PTCHD4: variants seen among roughly 807,000 people sequenced by gnomAD.
PTCHD4 encodes patched domain containing 4.
A neutral mutation model predicts 58.1 loss-of-function variants in PTCHD4; 33 were observed. The ratio of observed to expected loss-of-function variants is 0.57; its 90% CI spans 0.43 to 0.76. PTCHD4 has a LOEUF of 0.76. Ranked by LOEUF, PTCHD4 falls within the 30% of genes least tolerant of loss-of-function variation. The pLI, the probability that PTCHD4 is intolerant of heterozygous loss-of-function variation, is 0.00. For missense variants in PTCHD4, 1,058 were observed against 1,027.1 expected, an observed-to-expected ratio of 1.03 and a Z score of -0.41; for synonymous variants, 478 against 409.6, an observed-to-expected ratio of 1.17 and a Z score of -2.02.
chr6:48,075,277 C>A (rs1213230248), intron 1 of PTCHD4, among the ~76,000 whole-genome samples: 1 of 152,036 alleles, frequency 6.6e-6, no homozygotes, highest in African/African-American at 2.4e-5. Context: ...GTAAAATATC[C>A]AACTATATGT....
At chr6:48,088,163 T>C (rs1210970640) in intron 1 of PTCHD4, among the ~76,000 whole-genome samples, 12 of 152,176 alleles carry the variant, frequency 7.9e-5, no homozygotes, top group Admixed American at 7.9e-4. Context: ...TGTAGTGTTT[T>C]GTTGATCTGA....
intron 1 of PTCHD4, among the ~76,000 whole-genome samples, chr6:48,074,415 G>A (rs576949867): frequency 6.6e-5 from 10 of 152,310 alleles, no homozygotes; most frequent in East Asian, 3.9e-4. Context: ...GGCAACACAC[G>A]CAGACAGACA....
chr6:48,088,049 T>G (rs1765295716), intron 1 of PTCHD4, among the ~76,000 whole-genome samples: 1 of 152,144 alleles, frequency 6.6e-6, no homozygotes, highest in Non-Finnish European at 1.5e-5. Context: ...ATTTCAAAAA[T>G]CAAAATAAAA....
chr6:48,082,159 A>G (rs1444972783), intron 1 of PTCHD4, among the ~76,000 whole-genome samples: 1 of 152,230 alleles, frequency 6.6e-6, no homozygotes. Flanking sequence ...TGCCACAGGA[A>G]AAACAGCTTG....
chr6:47,956,700 T>C (rs1002688073), intron 4 of PTCHD4, among the ~76,000 whole-genome samples: 2 of 152,134 alleles, frequency 1.3e-5, no homozygotes, highest in African/African-American at 4.8e-5. Context: ...CCTAAAGCGC[T>C]GAGATTACAG....
At chr6:47,892,059 A>G (rs139607770) in intron 4 of PTCHD4, among the ~76,000 whole-genome samples, 3 of 152,298 alleles carry the variant, frequency 2.0e-5, no homozygotes, top group Admixed American at 6.5e-5. Context: ...AGAGAATGCC[A>G]GTTGGGCATA....
chr6:47,906,618 A>G (rs1321140827), intron 4 of PTCHD4, among the ~76,000 whole-genome samples: 1 of 152,200 alleles, frequency 6.6e-6, no homozygotes, highest in East Asian at 1.9e-4. Flanking sequence ...TTGCTTGCCC[A>G]AAACCCAATT....
In PTCHD4 at chr6:47,949,663, T is replaced by C. The variant is rs536312205; in HGVS notation, c.898+58971A>G. On this transcript the variant is annotated intron_variant, in intron 4 of 4. Coordinates refer to ENST00000339488, the MANE Select transcript of PTCHD4 (RefSeq NM_001384253.1). ...TTGCAACTGTCTCTCTCTCTTTTTT[T>C]CCCCCCAGATTTCCAACTCCTCCTT... Among the ~76,000 whole-genome samples the C allele has an allele frequency of 1.4e-4, 22 of 152,048 alleles. 1 individual carries two copies. Among genetic ancestry groups the C allele is most frequent in the Admixed American group, 1.1e-3 (17 of 15,270 alleles).
At chr6:48,015,764 T>C (rs1311811992) in intron 3 of PTCHD4, among the ~76,000 whole-genome samples, 1 of 151,958 alleles carries the variant, frequency 6.6e-6, no homozygotes, top group African/African-American at 2.4e-5. Context: ...TCTGCTAGAG[T>C]GTGTGCTTGT....
At chr6:48,037,633 T>G (rs780701117) in intron 3 of PTCHD4, among the ~76,000 whole-genome samples, 2 of 152,124 alleles carry the variant, frequency 1.3e-5, no homozygotes, top group African/African-American at 2.4e-5. Flanking sequence ...ATTTATGACA[T>G]GTAACTCATA....
At chr6:48,065,111 C>T (rs991016693) in intron 3 of PTCHD4, among the ~76,000 whole-genome samples, 1 of 152,044 alleles carries the variant, frequency 6.6e-6, no homozygotes, top group African/African-American at 2.4e-5. Context: ...TCCAGGACTC[C>T]CTGGGTGTCT....
intron 4 of PTCHD4, among the ~76,000 whole-genome samples, chr6:47,988,406 A>C (rs1307754795): frequency 6.6e-6 from 1 of 152,220 alleles, no homozygotes; most frequent in Non-Finnish European, 1.5e-5. Context: ...TGATTGAGTC[A>C]AGAAACCTAT....
At chr6:47,984,621 C>G (rs1471966283) in intron 4 of PTCHD4, among the ~76,000 whole-genome samples, 1 of 151,918 alleles carries the variant, frequency 6.6e-6, no homozygotes, top group Non-Finnish European at 1.5e-5. Flanking sequence ...AATAAGAAAG[C>G]CTCTATTTCA....
At chr6:48,043,333 T>A (rs1409344579) in intron 3 of PTCHD4, among the ~76,000 whole-genome samples, 5 of 151,932 alleles carry the variant, frequency 3.3e-5, no homozygotes, top group African/African-American at 7.2e-5. Flanking sequence ...AATGTCCAGA[T>A]GTCAATCTGA....
intron 1 of PTCHD4, among the ~76,000 whole-genome samples, chr6:48,077,802 T>A (rs1433760699): frequency 6.6e-6 from 1 of 152,142 alleles, no homozygotes; most frequent in Non-Finnish European, 1.5e-5. Flanking sequence ...TGGTGGAGCA[T>A]TCAGAACACA....
intron 4 of PTCHD4, among the ~76,000 whole-genome samples, chr6:47,972,018 T>C (rs139204210): frequency 5.9e-5 from 9 of 152,084 alleles, no homozygotes; most frequent in Admixed American, 1.3e-4. Flanking sequence ...AGGAAAGAAA[T>C]GTAATAATAG....
At chr6:47,974,713 T>G (rs769932753) in intron 4 of PTCHD4, among the ~76,000 whole-genome samples, 3 of 152,216 alleles carry the variant, frequency 2.0e-5, no homozygotes, top group African/African-American at 4.8e-5. Context: ...TTGGAAGGCA[T>G]AGCATTGTTA....
intron 4 of PTCHD4, among the ~76,000 whole-genome samples, chr6:47,995,337 G>A (rs971236904): frequency 3.9e-5 from 6 of 152,122 alleles, no homozygotes; most frequent in Non-Finnish European, 7.4e-5. Flanking sequence ...GGGAGGCATT[G>A]GGGCAGCATT....
Position 48,057,169 on chromosome 6 carries a change from C to CA in PTCHD4, c.417+11060_417+11061insT, listed in dbSNP as rs1562030595. On this transcript the variant is annotated intron_variant, in intron 3 of 4. Transcript: ENST00000339488. Reference sequence around the variant, plus strand: ...AGTCTCTCCCTCCCTCTTCTGGCGGCGGTTTTTTTTGTTTTTTTTTGTTTT... The same window carrying CA: ...AGTCTCTCCCTCCCTCTTCTGGCGGCAGGTTTTTTTTGTTTTTTTTTGTTTT... Among the ~76,000 whole-genome samples, 78 of 146,192 alleles carry CA rather than the reference C, an allele frequency of 5.3e-4. 1 individual carries two copies. The highest frequency in any genetic ancestry group is 9.7e-4 in the Admixed American group (14 of 14,440).
Sources: gnomAD v4.1 joint callset for allele counts (sites outside exome capture counted in the v4.1 genomes callset) on GRCh38, gnomAD v4.1.1 for gene constraint, MANE v1.5 for transcripts, NCBI Gene and HGNC (gene_info 2026-07-23, HGNC 2026-07-21) for gene names.